Variants in EXOC3L2 observed in about 807,000 individuals in gnomAD.
EXOC3L2 encodes exocyst complex component 3-like protein 2.
EXOC3L2 carries 17 observed loss-of-function variants against 44.4 expected under a neutral mutation model. The ratio of observed to expected loss-of-function variants is 0.38; its 90% CI spans 0.26 to 0.57. EXOC3L2 has a LOEUF of 0.57. Ranked by LOEUF, EXOC3L2 falls within the 20% of genes least tolerant of loss-of-function variation. The pLI is 0.65. For synonymous variants in EXOC3L2, 256 were observed against 253.7 expected, an observed-to-expected ratio of 1.01 and a Z score of -0.09; for missense variants, 541 against 588.4, an observed-to-expected ratio of 0.92 and a Z score of 0.83.
intron 8 of EXOC3L2, among the ~76,000 whole-genome samples, chr19:45,219,634 C>T (rs911463912): frequency 7.9e-5 from 12 of 151,980 alleles, no homozygotes; most frequent in South Asian, 2.1e-4. Flanking sequence ...TGAGTAGATC[C>T]GGTATTTGAC....
intron 7 of EXOC3L2, 44 bp from the exon 8 acceptor site, chr19:45,224,957 C>T: frequency 6.7e-7 from 1 of 1,490,194 alleles, no homozygotes; most frequent in Non-Finnish European, 9.0e-7. Flanking sequence ...CCCAACATCT[C>T]AGCCCAACTG....
chr19:45,219,490 A>G (rs1422383610), intron 8 of EXOC3L2, among the ~76,000 whole-genome samples: 1 of 151,790 alleles, frequency 6.6e-6, no homozygotes, highest in Non-Finnish European at 1.5e-5. Flanking sequence ...AGGAGGACGG[A>G]TTGCTTCCAC....
intron 4 of EXOC3L2, among the ~76,000 whole-genome samples, 175 bp downstream of exon 4, chr19:45,231,588 A>G (rs1020817616): frequency 6.6e-6 from 1 of 152,060 alleles, no homozygotes; most frequent in African/African-American, 2.4e-5. Context: ...AACCTTTACC[A>G]AGTGTCTCTG....
chr19:45,218,158 T>TAACC, intron 9 of EXOC3L2, 39 bp downstream of exon 9: 2 of 1,034,906 alleles, frequency 1.9e-6, no homozygotes, highest in Non-Finnish European at 2.7e-6. Flanking sequence ...TCCCCTCTTT[T>TAACC]CCCCCACCCC....
At chr19:45,213,490 C>G (rs1295733992) in intron 11 of EXOC3L2, 133 bp from the exon 12 acceptor site, 1 of 1,003,328 alleles carries the variant, frequency 1.0e-6, no homozygotes, top group Non-Finnish European at 1.4e-6. Context: ...TGTGTCCCCT[C>G]CAGAGCCTTC....
intron 8 of EXOC3L2, among the ~76,000 whole-genome samples, chr19:45,223,908 C>T (rs1003209324): frequency 2.0e-5 from 3 of 151,952 alleles, no homozygotes; most frequent in South Asian, 2.1e-4. Flanking sequence ...GCAGGAAAAT[C>T]GCTTGAACCT....
chr19:45,212,965 C>T lies in EXOC3L2; in HGVS notation c.*104G>A. 44 of 1,285,572 alleles carry T rather than the reference C, an allele frequency of 3.4e-5. No individual in the cohort carries two copies. The highest frequency in any genetic ancestry group is 4.3e-5 in the Non-Finnish European group (42 of 981,842). The allele number at this position is 1,285,572 out of a possible 1,614,324, so 79.6% of individuals were successfully genotyped here. ...AAGACATCTAAGGGTCTTTCTATCC[C>T]AGGGGTGTGTGGTCCCAGGCAGGGA... On this transcript the variant is annotated 3_prime_UTR_variant, in exon 12 of 12. Transcript: ENST00000413988.
rs1399156015 is a variant in EXOC3L2 at position 45,213,157 on chromosome 19, A to T, written c.2321T>A (p.Leu774His). Residue 774 changes from leucine (L) to histidine (H), a missense_variant, in exon 12 of 12, where the codon CTC (leucine) becomes CAC (histidine). Leu to His is a moderately conservative substitution (Grantham distance 99, BLOSUM62 -3). Transcript: ENST00000413988. ...GGGCCTGGCCAGCCGGGAGAGGGGGAGGCGGCCCAGGAAGAGAGGGAGGCT... is the reference window on the plus strand; with the variant it reads ...GGGCCTGGCCAGCCGGGAGAGGGGGTGGCGGCCCAGGAAGAGAGGGAGGCT... ...CLSLPLFLGR[L>H]PLSRLARPSL... 2 of 1,587,458 alleles carry T rather than the reference A, an allele frequency of 1.3e-6. No individual in the cohort carries two copies. Among genetic ancestry groups the T allele is most frequent in the Non-Finnish European group, 1.7e-6 (2 of 1,167,492 alleles).
chr19:45,224,980 T>C (rs10411743), intron 7 of EXOC3L2, 67 bp from the exon 8 acceptor site: 79,132 of 1,439,476 alleles, frequency 0.055, 2,878 homozygotes, highest in African/African-American at 0.16. Context: ...TAGGCCTGTC[T>C]TCCCTTAGGT....
In EXOC3L2 at chr19:45,212,948, TA is replaced by T; in HGVS notation, c.*120del. 8.4e-7 allele frequency: 1 copy of T among 1,184,132 alleles called. No individual in the cohort carries two copies. Among genetic ancestry groups the T allele is most frequent in the Non-Finnish European group, 1.1e-6 (1 of 893,768 alleles). 73.4% of individuals were successfully genotyped at this position (1,184,132 alleles called of 1,614,324 possible). On this transcript the variant is annotated 3_prime_UTR_variant, in exon 12 of 12. Transcript: ENST00000413988. ...GTTTGGGGTTGGGTGAAAAGACATC[TA>T]AGGGTCTTTCTATCCCAGGGGTGTG...
intron 8 of EXOC3L2, among the ~76,000 whole-genome samples, chr19:45,223,353 G>T (rs1426059552): frequency 4.7e-5 from 7 of 149,894 alleles, no homozygotes; most frequent in Non-Finnish European, 1.0e-4. Context: ...CTGTTTTTTT[G>T]TTTTTTGAGA....
chr19:45,226,085 A>C (rs1291112880), intron 7 of EXOC3L2, among the ~76,000 whole-genome samples: 2 of 152,038 alleles, frequency 1.3e-5, no homozygotes, highest in Non-Finnish European at 2.9e-5. Context: ...TAGCTGTCCT[A>C]TCATTTATTT....
intron 1 of EXOC3L2, among the ~76,000 whole-genome samples, chr19:45,244,119 T>C (rs1970151259): frequency 6.6e-6 from 1 of 151,648 alleles, no homozygotes; most frequent in Non-Finnish European, 1.5e-5. Context: ...AGATGAGGTT[T>C]CGCCCTGTTG....
Position 45,224,813 on chromosome 19 carries a change from G to A in EXOC3L2, c.1684C>T (p.Arg562Cys), listed in dbSNP as rs537583453. The change falls in exon 8 of 12, where the codon CGT becomes TGT. Residue 562 changes from arginine to cysteine, a missense_variant. Physicochemically the swap from Arg to Cys is radical, Grantham distance 180. Transcript: ENST00000413988. Reference sequence around the variant, plus strand: ...TGGAACAGCAGGTTGGCCACGACACGGTGGCAGAGCCGGGTCACATGGTCC... The same window carrying A: ...TGGAACAGCAGGTTGGCCACGACACAGTGGCAGAGCCGGGTCACATGGTCC... Reference protein sequence around the residue: ...ALDHVTRLCHRVVANLLFQEL... With the variant: ...ALDHVTRLCHCVVANLLFQEL... 18 of 1,575,802 alleles carry A rather than the reference G, an allele frequency of 1.1e-5. No homozygotes were observed. The highest frequency in any genetic ancestry group is 2.3e-5 in the East Asian group (1 of 42,604).
intron 8 of EXOC3L2, among the ~76,000 whole-genome samples, chr19:45,224,551 T>C (rs950918300): frequency 6.6e-6 from 1 of 151,924 alleles, no homozygotes; most frequent in East Asian, 1.9e-4. Flanking sequence ...GGGGAGGGGC[T>C]CCATCCAAAC....
In EXOC3L2 at chr19:45,213,371, A is replaced by AACAG. The variant is rs1228229375; in HGVS notation, c.2121-18_2121-15dup. 1.2e-6 allele frequency: 2 copies of AACAG among 1,612,004 alleles called. No individual in the cohort carries two copies. The highest frequency in any genetic ancestry group is 2.2e-5 in the South Asian group (2 of 90,954). On this transcript the variant is annotated splice_polypyrimidine_tract_variant and intron_variant, in intron 11 of 11. Transcript: ENST00000413988. Reference sequence around the variant, plus strand: ...ACGTGCTTCTGCCTGTGGGGAGAGGAACAGACAGGTGCATGCAGATCCCCA... The same window carrying AACAG: ...ACGTGCTTCTGCCTGTGGGGAGAGGAACAGACAGACAGGTGCATGCAGATCCCCA...
intron 3 of EXOC3L2, among the ~76,000 whole-genome samples, chr19:45,233,654 G>A (rs1436812015): frequency 6.6e-6 from 1 of 152,166 alleles, no homozygotes; most frequent in Admixed American, 6.5e-5. Context: ...AACTGGAAGA[G>A]TCAATGGTGC....
At chr19:45,240,616 C>T (rs915620801) in intron 1 of EXOC3L2, among the ~76,000 whole-genome samples, 4 of 152,264 alleles carry the variant, frequency 2.6e-5, no homozygotes, top group African/African-American at 9.6e-5. Context: ...TGGCTTAAGG[C>T]CAGGCGTGGT....
Position 45,226,085 on chromosome 19 carries a change from A to G in EXOC3L2, c.1584-1172T>C, listed in dbSNP as rs1291112880. Among the ~76,000 whole-genome samples the G allele has an allele frequency of 1.3e-5, 2 of 152,038 alleles. 1 individual carries two copies. Among genetic ancestry groups the G allele is most frequent in the South Asian group, 4.1e-4 (2 of 4,822 alleles). On this transcript the variant is annotated intron_variant, in intron 7 of 11. Transcript: ENST00000413988. ...CTGGATTCCACTGCTTAGCTGTCCTATCATTTATTTAACTGGCCCTCGATA... is the reference window on the plus strand; with the variant it reads ...CTGGATTCCACTGCTTAGCTGTCCTGTCATTTATTTAACTGGCCCTCGATA...
Sources: allele counts gnomAD v4.1 joint callset (sites outside exome capture counted in the v4.1 genomes callset), GRCh38; gene constraint gnomAD v4.1.1; transcripts MANE v1.5; gene names NCBI Gene and HGNC (gene_info 2026-07-23, HGNC 2026-07-21).